The following PTPRN2 variants were observed in gnomAD, a reference collection of about 807,000 sequenced individuals.
PTPRN2 encodes protein tyrosine phosphatase receptor type N2.
Under a neutral mutation model 118.8 loss-of-function variants are expected in PTPRN2, and 74 were observed. The observed-to-expected ratio is 0.62, with a 90% confidence interval of 0.52 to 0.76. The LOEUF is 0.76. Ranked by LOEUF, PTPRN2 falls within the 30% of genes least tolerant of loss-of-function variation. PTPRN2 has a pLI of 0.00. For synonymous variants in PTPRN2, 641 were observed against 608.0 expected, an observed-to-expected ratio of 1.05 and a Z score of -0.80; for missense variants, 1,481 against 1,394.4, an observed-to-expected ratio of 1.06 and a Z score of -0.99.
At chr7:158,063,257 C>T (rs533308126) in intron 11 of PTPRN2, among the ~76,000 whole-genome samples, 4 of 151,856 alleles carry the variant, frequency 2.6e-5, no homozygotes, top group Admixed American at 2.0e-4. Context: ...CACCAATCAG[C>T]ACTCTTGTGT....
At chr7:158,508,486 C>T (rs1050890308) in intron 1 of PTPRN2, among the ~76,000 whole-genome samples, 9 of 152,158 alleles carry the variant, frequency 5.9e-5, no homozygotes, top group Non-Finnish European at 1.3e-4. Context: ...AGGGTGTGGC[C>T]GTGACTCAGC....
intron 3 of PTPRN2, among the ~76,000 whole-genome samples, chr7:158,295,184 T>A (rs1186949490): frequency 8.4e-6 from 1 of 118,372 alleles, no homozygotes; most frequent in Non-Finnish European, 1.8e-5. Context: ...ACATCGTGGT[T>A]CACCTGCCTT....
chr7:158,472,138 G>A (rs888273940), intron 2 of PTPRN2, among the ~76,000 whole-genome samples: 3 of 152,212 alleles, frequency 2.0e-5, no homozygotes, highest in African/African-American at 7.2e-5. Flanking sequence ...TCTTTTGCCA[G>A]CATCATAGAG....
At chr7:158,259,497 C>T (rs1211219822) in intron 3 of PTPRN2, among the ~76,000 whole-genome samples, 1 of 152,218 alleles carries the variant, frequency 6.6e-6, no homozygotes, top group Non-Finnish European at 1.5e-5. Flanking sequence ...CCACCAAAGA[C>T]CGTCGGCACC....
intron 12 of PTPRN2, among the ~76,000 whole-genome samples, chr7:157,853,156 A>G (rs1560961): frequency 0.47 from 72,172 of 152,004 alleles, 17,555 homozygotes; most frequent in East Asian, 0.57. Context: ...GGTAGGAAAC[A>G]AGAAGCAGCT....
intron 2 of PTPRN2, among the ~76,000 whole-genome samples, chr7:158,342,350 GTCAC>G (rs1807049694): frequency 8.5e-6 from 1 of 117,966 alleles, no homozygotes; most frequent in Non-Finnish European, 1.9e-5. Flanking sequence ...ACCTGCAGAC[GTCAC>G]TCACACCCAC....
intron 10 of PTPRN2, among the ~76,000 whole-genome samples, chr7:158,085,686 A>G (rs112751940): frequency 0.26 from 7,259 of 28,420 alleles, 1 homozygote; most frequent in Middle Eastern, 0.44. Flanking sequence ...CACCCATGAC[A>G]CCCATCCACA....
intron 12 of PTPRN2, among the ~76,000 whole-genome samples, chr7:157,687,292 C>T (rs1049379798): frequency 5.3e-5 from 8 of 151,782 alleles, no homozygotes; most frequent in African/African-American, 1.9e-4. Context: ...ATTGTGAGAG[C>T]TGATACAGCC....
intron 12 of PTPRN2, among the ~76,000 whole-genome samples, chr7:157,839,926 GTGAC>G (rs1347108726): frequency 3.9e-5 from 6 of 151,908 alleles, no homozygotes; most frequent in East Asian, 2.0e-4. Context: ...ATGTGACTGT[GTGAC>G]TGTGTGTGAC....
At position 158,074,475 on chromosome 7, in the gene PTPRN2, G is replaced by A. The variant is rs147358062; in HGVS notation, c.1723+6823C>T. ...ACTCTCACTCATGTTTTTCAGAAGC[G>A]GGTTTTACAACTTTTGGCATGAAAA... On this transcript the variant is annotated intron_variant, in intron 11 of 22. Coordinates refer to ENST00000389418, the MANE Select transcript of PTPRN2 (RefSeq NM_002847.5). 2.2e-3 allele frequency among the ~76,000 whole-genome samples: 334 copies of A among 152,298 alleles called. 2 individuals are homozygous for A. The highest frequency in any genetic ancestry group is 7.3e-3 in the African/African-American group (303 of 41,554).
intron 10 of PTPRN2, among the ~76,000 whole-genome samples, chr7:158,086,979 G>A (rs1267062803): frequency 2.0e-5 from 3 of 152,130 alleles, no homozygotes; most frequent in Non-Finnish European, 2.9e-5. Context: ...TTGTTTAACC[G>A]CCACTTCCTC....
intron 3 of PTPRN2, among the ~76,000 whole-genome samples, chr7:158,216,309 A>G (rs561633738): frequency 3.3e-5 from 5 of 152,152 alleles, no homozygotes; most frequent in Non-Finnish European, 7.4e-5. Context: ...AAACAAAGAA[A>G]CAAAAAATAC....
At chr7:158,042,086 C>T (rs1418145046) in intron 11 of PTPRN2, among the ~76,000 whole-genome samples, 12 of 152,184 alleles carry the variant, frequency 7.9e-5, no homozygotes, top group South Asian at 2.1e-4. Flanking sequence ...CGGCTGGACA[C>T]GCACTTTCTG....
In PTPRN2 at chr7:158,481,898, C is replaced by T. The variant is rs76824453; in HGVS notation, c.163+7837G>A. Reference sequence around the variant, plus strand: ...TTCTAGATGCCATTGAGAACACTTGCGATTCATGGAGGGAGGTCAAAATAG... The same window carrying T: ...TTCTAGATGCCATTGAGAACACTTGTGATTCATGGAGGGAGGTCAAAATAG... On this transcript the variant is annotated intron_variant, in intron 2 of 22. Coordinates refer to ENST00000389418, the MANE Select transcript of PTPRN2 (RefSeq NM_002847.5). Among the ~76,000 whole-genome samples the T allele has an allele frequency of 4.9e-3, 744 of 152,264 alleles. 7 individuals are homozygous for T. Among genetic ancestry groups the T allele is most frequent in the African/African-American group, 0.017 (700 of 41,544 alleles).
intron 3 of PTPRN2, among the ~76,000 whole-genome samples, chr7:158,275,974 G>A (rs1475076555): frequency 1.3e-5 from 2 of 152,296 alleles, no homozygotes; most frequent in South Asian, 4.1e-4. Context: ...ACGTCTTGCT[G>A]TCAGCATCCC....
At chr7:157,789,473 G>A (rs1271879712) in intron 12 of PTPRN2, among the ~76,000 whole-genome samples, 1 of 152,186 alleles carries the variant, frequency 6.6e-6, no homozygotes, top group Non-Finnish European at 1.5e-5. Flanking sequence ...GGAGGCTCGT[G>A]GGAGGCCTCC....
At chr7:158,142,017 C>T (rs909762388) in intron 6 of PTPRN2, among the ~76,000 whole-genome samples, 18 of 152,178 alleles carry the variant, frequency 1.2e-4, no homozygotes, top group South Asian at 4.1e-4. Context: ...CTGAATTGTT[C>T]GGCAGACAGT....
chr7:158,306,642 C>T (rs1455491935), intron 3 of PTPRN2, among the ~76,000 whole-genome samples: 1 of 152,146 alleles, frequency 6.6e-6, no homozygotes, highest in African/African-American at 2.4e-5. Context: ...CAACAATAAA[C>T]AGCAACAACA....
intron 6 of PTPRN2, 45 bp from the exon 7 acceptor site, chr7:158,138,560 T>C: frequency 6.3e-7 from 1 of 1,576,238 alleles, no homozygotes; most frequent in South Asian, 1.1e-5. Context: ...GGTGGACGAA[T>C]GCAAAGGTGA....
Sources: allele counts gnomAD v4.1 joint callset (sites outside exome capture counted in the v4.1 genomes callset), GRCh38; gene constraint gnomAD v4.1.1; transcripts MANE v1.5; gene names NCBI Gene and HGNC (gene_info 2026-07-23, HGNC 2026-07-21).